DMD: variants seen among roughly 807,000 people sequenced by gnomAD.
DMD encodes the protein mutant dystrophin.
In DMD, 63 loss-of-function variants were observed where a neutral mutation model predicts 330.1. The ratio of observed to expected loss-of-function variants is 0.19; its 90% CI spans 0.16 to 0.24. DMD has a LOEUF of 0.24. Among genes scored for constraint, DMD ranks in the 10% least tolerant of loss-of-function variants. The pLI is 1.00. For missense variants in DMD, 3,344 were observed against 2,684.1 expected, an observed-to-expected ratio of 1.25 and a Z score of -5.43; for synonymous variants, 1,223 against 959.8, an observed-to-expected ratio of 1.27 and a Z score of -5.07.
intron 45 of DMD, among the ~76,000 whole-genome samples, chrX:31,945,984 G>T (rs1416341682): frequency 1.8e-5 from 2 of 111,994 alleles, no homozygotes; most frequent in South Asian, 7.4e-4. Flanking sequence ...ACATAGAAAA[G>T]AAGCAATAAT....
intron 9 of DMD, among the ~76,000 whole-genome samples, chrX:32,691,173 T>C (rs1189877358): frequency 9.0e-6 from 1 of 110,831 alleles, no homozygotes; most frequent in African/African-American, 3.3e-5. Flanking sequence ...TTCTAAGTTA[T>C]CAAAAAGACA....
At chrX:32,340,477 G>A (rs1375975836) in intron 41 of DMD, among the ~76,000 whole-genome samples, 1 of 111,325 alleles carries the variant, frequency 9.0e-6, no homozygotes, top group Non-Finnish European at 1.9e-5. Context: ...TATGAATAGG[G>A]ACATAATGGC....
chrX:32,370,552 A>T (rs1384957405), intron 34 of DMD, among the ~76,000 whole-genome samples: 1 of 111,053 alleles, frequency 9.0e-6, no homozygotes, highest in Non-Finnish European at 1.9e-5. Context: ...AACTATAATG[A>T]CAGTGAATAG....
intron 1 of DMD, among the ~76,000 whole-genome samples, chrX:33,105,548 A>G (rs936491593): frequency 4.4e-5 from 5 of 112,537 alleles, no homozygotes; most frequent in African/African-American, 1.6e-4. Context: ...ACCAATATCT[A>G]CAACCTACAA....
chrX:31,847,165 C>T (rs921315062), intron 48 of DMD, among the ~76,000 whole-genome samples: 9 of 111,648 alleles, frequency 8.1e-5, no homozygotes, highest in African/African-American at 2.6e-4. Flanking sequence ...TTCCTATTAC[C>T]GTGTCCTTCT....
At chrX:32,338,736 A>G (rs992210162) in intron 41 of DMD, among the ~76,000 whole-genome samples, 5 of 111,087 alleles carry the variant, frequency 4.5e-5, no homozygotes, top group African/African-American at 1.3e-4. Context: ...TCTTCATTGT[A>G]TAATTTTGTG....
At chrX:32,414,930 T>A (rs760785427) in intron 29 of DMD, among the ~76,000 whole-genome samples, 1 of 111,945 alleles carries the variant, frequency 8.9e-6, no homozygotes, top group South Asian at 3.7e-4. Flanking sequence ...CATCAGGTAA[T>A]TTACTATTTC....
chrX:33,177,453 C>T (rs1460067385), intron 1 of DMD, among the ~76,000 whole-genome samples: 1 of 111,816 alleles, frequency 8.9e-6, no homozygotes, highest in East Asian at 2.8e-4. Flanking sequence ...GGTGCAATCT[C>T]GGCTCACTGC....
chrX:31,293,507 G>A (rs372966298), intron 62 of DMD, among the ~76,000 whole-genome samples: 4 of 110,852 alleles, frequency 3.6e-5, no homozygotes, highest in African/African-American at 1.3e-4. Flanking sequence ...GACAGCGTTA[G>A]GGAAAAACTA....
At chrX:32,538,828 G>A (rs1194007110) in intron 17 of DMD, among the ~76,000 whole-genome samples, 6 of 111,090 alleles carry the variant, frequency 5.4e-5, no homozygotes, top group East Asian at 2.8e-4. Context: ...ATGCCAGTGC[G>A]AGGGTTCTCA....
At chrX:31,787,609 A>G (rs1277127840) in intron 50 of DMD, among the ~76,000 whole-genome samples, 1 of 111,537 alleles carries the variant, frequency 9.0e-6, no homozygotes, top group Non-Finnish European at 1.9e-5. Context: ...GAGCTTGACA[A>G]ATTCAACTGC....
At chrX:32,835,830 T>C (rs910857765) in intron 4 of DMD, among the ~76,000 whole-genome samples, 6 of 111,515 alleles carry the variant, frequency 5.4e-5, no homozygotes, top group African/African-American at 2.0e-4. Context: ...CTTGACTTAA[T>C]GATCCAGAAA....
At chrX:31,371,765 CAGAA>C (rs1395557861) in intron 60 of DMD, among the ~76,000 whole-genome samples, 2 of 111,576 alleles carry the variant, frequency 1.8e-5, no homozygotes, top group Non-Finnish European at 3.8e-5. Context: ...TACAAGGAGA[CAGAA>C]AGAATATTGA....
chrX:32,993,887 A>G (rs1428281944), intron 2 of DMD, among the ~76,000 whole-genome samples: 1 of 111,397 alleles, frequency 9.0e-6, no homozygotes, highest in East Asian at 2.8e-4. Context: ...AATGTATTTA[A>G]TATAAATTTT....
intron 54 of DMD, among the ~76,000 whole-genome samples, chrX:31,634,476 T>C (rs897967139): frequency 9.0e-6 from 1 of 111,641 alleles, no homozygotes; most frequent in African/African-American, 3.2e-5. Flanking sequence ...GCATGAGAAA[T>C]AGATTAATCC....
At chrX:31,127,134 A>G (rs1442644225) in intron 77 of DMD, among the ~76,000 whole-genome samples, 1 of 112,541 alleles carries the variant, frequency 8.9e-6, no homozygotes, top group Non-Finnish European at 1.9e-5. Context: ...GTAGAACCCG[A>G]CATAGAGGCT....
intron 42 of DMD, among the ~76,000 whole-genome samples, chrX:32,297,477 G>A (rs1382183542): frequency 5.5e-5 from 6 of 109,930 alleles, no homozygotes; most frequent in Admixed American, 9.7e-5. Context: ...GTTCCATTAC[G>A]TTGGCCAGGC....
intron 1 of DMD, among the ~76,000 whole-genome samples, chrX:33,048,694 T>TTAAAA (rs1557232463): frequency 2.0e-4 from 7 of 35,623 alleles, no homozygotes; most frequent in African/African-American, 1.0e-3. Context: ...ACTCCCCATC[T>TTAAAA]AAAAAAAAAA....
intron 60 of DMD, among the ~76,000 whole-genome samples, chrX:31,410,623 AAACAG>A (rs2061594715): frequency 9.0e-6 from 1 of 110,697 alleles, no homozygotes; most frequent in Non-Finnish European, 1.9e-5. Flanking sequence ...AGTTGGAATG[AAACAG>A]AGGAAGGAGT....
Sources: gnomAD v4.1 joint callset for allele counts (sites outside exome capture counted in the v4.1 genomes callset) on GRCh38, gnomAD v4.1.1 for gene constraint, MANE v1.5 for transcripts, NCBI Gene and HGNC (gene_info 2026-07-23, HGNC 2026-07-21) for gene names.